CDHR3: variants seen among roughly 807,000 people sequenced by gnomAD.
CDHR3 encodes the protein cadherin related family member 3.
In CDHR3, 79 loss-of-function variants were observed where a neutral mutation model predicts 86.6. The ratio of observed to expected loss-of-function variants is 0.91; its 90% confidence interval spans 0.76 to 1.10. The LOEUF (loss-of-function observed/expected upper bound fraction) is 1.10. Ranked by LOEUF, CDHR3 falls within the 50% of genes least tolerant of loss-of-function variation. The pLI, the probability that CDHR3 is intolerant of heterozygous loss-of-function variation, is 0.00. For missense variants in CDHR3, 1,081 were observed against 1,077.6 expected (o/e 1.00, Z -0.04); for synonymous variants, 421 against 402.4 (o/e 1.05, Z -0.55).
intron 18 of CDHR3, among the ~76,000 whole-genome samples, chr7:106,031,875 C>T (rs908223408): frequency 2.0e-5 from 3 of 151,814 alleles, no homozygotes; most frequent in African/African-American, 7.3e-5. Context: ...AAAATGGCTT[C>T]CTTGTATCAT....
chr7:105,974,746 C>A, intron 1 of CDHR3, 98 bp from the exon 2 acceptor site: 1 of 896,194 alleles, frequency 1.1e-6, no homozygotes, highest in East Asian at 2.5e-5. Context: ...CATCGTCACC[C>A]TGAGCTACGA....
chr7:105,969,089 A>AAAT (rs1418289693), intron 1 of CDHR3, among the ~76,000 whole-genome samples: 1 of 124,436 alleles, frequency 8.0e-6, no homozygotes, highest in Non-Finnish European at 1.7e-5. Flanking sequence ...CTCCGTCTCA[A>AAAT]AATAAAAATA....
intron 6 of CDHR3, 99 bp from the exon 7 acceptor site, chr7:106,001,363 C>T: frequency 2.3e-6 from 3 of 1,318,222 alleles, no homozygotes; most frequent in Non-Finnish European, 3.2e-6. Flanking sequence ...ACTTGAACAG[C>T]TCTGCACTAT....
At chr7:105,976,765 T>C (rs922469636) in intron 2 of CDHR3, among the ~76,000 whole-genome samples, 1 of 152,214 alleles carries the variant, frequency 6.6e-6, no homozygotes, top group Non-Finnish European at 1.5e-5. Flanking sequence ...GGGTCACCCA[T>C]GTTGTAGCCT....
intron 2 of CDHR3, among the ~76,000 whole-genome samples, chr7:105,980,607 A>ATT (rs35517726): frequency 3.0e-5 from 3 of 98,516 alleles, no homozygotes; most frequent in East Asian, 2.9e-4. Flanking sequence ...TTTTTTTTTA[A>ATT]TTTTTTTTTT....
In CDHR3 at chr7:106,020,549, A is replaced by G. The variant is rs774367790; in HGVS notation, c.1825+5A>G. 6.2e-7 allele frequency: 1 copy of G among 1,610,966 alleles called. No individual in the cohort carries two copies. The highest frequency in any genetic ancestry group is 2.2e-5 in the East Asian group (1 of 44,832). ...TCCGTTATTCCATTGGCCCAGGTAT[A>G]GTACTTGGTGTCGACAATCCTGGCC... On this transcript the variant is annotated splice_donor_5th_base_variant and intron_variant, in intron 13 of 18. Transcript: ENST00000317716.
intron 4 of CDHR3, among the ~76,000 whole-genome samples, chr7:105,988,139 T>C (rs2115716008): frequency 6.6e-6 from 1 of 152,328 alleles, no homozygotes; most frequent in African/African-American, 2.4e-5. Context: ...TCCACCTGCC[T>C]TGGCCTCCCA....
At chr7:106,010,532 G>A (rs115416115) in intron 8 of CDHR3, among the ~76,000 whole-genome samples, 2,082 of 152,276 alleles carry the variant, frequency 0.014, 49 homozygotes, top group African/African-American at 0.046. Flanking sequence ...GAGGCATCGT[G>A]GAGACTCCAT....
At chr7:105,969,219 AC>A (rs1438147274) in intron 1 of CDHR3, among the ~76,000 whole-genome samples, 1 of 147,226 alleles carries the variant, frequency 6.8e-6, no homozygotes, top group South Asian at 2.2e-4. Context: ...ACACGGTGAA[AC>A]CCCGTCTCTA....
At chr7:105,977,955 C>T (rs1829084249) in intron 2 of CDHR3, among the ~76,000 whole-genome samples, 1 of 152,118 alleles carries the variant, frequency 6.6e-6, no homozygotes, top group Non-Finnish European at 1.5e-5. Flanking sequence ...TTACCATATG[C>T]CAGGAATTTC....
intron 2 of CDHR3, among the ~76,000 whole-genome samples, chr7:105,976,992 T>C (rs954929886): frequency 6.6e-6 from 1 of 150,986 alleles, no homozygotes; most frequent in African/African-American, 2.4e-5. Context: ...CTTTTTTTTT[T>C]TTTTTTTTGA....
intron 4 of CDHR3, 55 bp from the exon 5 acceptor site, chr7:105,994,696 G>T: frequency 8.5e-7 from 1 of 1,176,644 alleles, no homozygotes; most frequent in South Asian, 1.3e-5. Context: ...CACATCTTCT[G>T]GGGAAGGGTG....
intron 17 of CDHR3, among the ~76,000 whole-genome samples, chr7:106,028,815 G>A (rs1837777282): frequency 6.6e-6 from 1 of 152,214 alleles, no homozygotes; most frequent in African/African-American, 2.4e-5. Context: ...TAAATATTGA[G>A]TAGTGGTGTT....
intron 17 of CDHR3, among the ~76,000 whole-genome samples, chr7:106,029,237 T>C (rs1837958519): frequency 6.6e-6 from 1 of 152,160 alleles, no homozygotes; most frequent in Non-Finnish European, 1.5e-5. Flanking sequence ...CACTGTGGCC[T>C]CCCAAAGTGC....
chr7:106,004,770 G>A, intron 8 of CDHR3, 83 bp downstream of exon 8: 2 of 1,326,202 alleles, frequency 1.5e-6, no homozygotes, highest in South Asian at 1.2e-5. Flanking sequence ...ATATTCTCAG[G>A]AGAATTATAA....
chr7:105,981,474 C>A (rs897726408), intron 3 of CDHR3, among the ~76,000 whole-genome samples: 17 of 152,154 alleles, frequency 1.1e-4, no homozygotes, highest in African/African-American at 4.1e-4. Flanking sequence ...CATTGACTGG[C>A]TTGTTCATTC....
rs745585981 is a variant in CDHR3 at position 106,024,531 on chromosome 7, C to T, written c.2227C>T (p.Pro743Ser). The change falls in exon 15 of 19, where the codon CCC becomes TCC. Residue 743 changes from proline (P) to serine (S), a missense_variant. Transcript: ENST00000317716. Reference protein sequence around the residue: ...LLAKAIHRHCPCKTGKNKEPL... With the variant: ...LLAKAIHRHCSCKTGKNKEPL... ...GGCCAAAGCCATCCACAGACACTGC[C>T]CCTGCAAGACTGGGAAGAACAAGGA... The T allele has an allele frequency of 1.2e-6, 2 of 1,613,916 alleles. No homozygotes were observed. Among genetic ancestry groups the T allele is most frequent in the Non-Finnish European group, 1.7e-6 (2 of 1,179,902 alleles).
At chr7:106,028,675 C>A (rs1214068997) in intron 17 of CDHR3, 93 bp downstream of exon 17, 8 of 1,337,354 alleles carry the variant, frequency 6.0e-6, no homozygotes, top group Non-Finnish European at 8.4e-6. Flanking sequence ...GCCTTGTGGG[C>A]ATGTTTATCA....
chr7:105,996,984 G>A (rs1699341338), intron 6 of CDHR3, among the ~76,000 whole-genome samples: 1 of 152,126 alleles, frequency 6.6e-6, no homozygotes, highest in Admixed American at 6.5e-5. Context: ...TGGGGATTTA[G>A]GAGGAAAAGA....
Sources: gnomAD v4.1 joint callset for allele counts (sites outside exome capture counted in the v4.1 genomes callset) on GRCh38, gnomAD v4.1.1 for gene constraint, MANE v1.5 for transcripts, NCBI Gene and HGNC (gene_info 2026-07-23, HGNC 2026-07-21) for gene names.